The following RICTOR variants were observed in gnomAD, a reference collection of about 807,000 sequenced individuals.
The protein encoded by RICTOR is rapamycin-insensitive companion of mTOR.
In RICTOR, 49 loss-of-function variants were observed where a neutral mutation model predicts 214.9. The ratio of observed to expected loss-of-function variants is 0.23; its 90% CI spans 0.18 to 0.29. The LOEUF (loss-of-function observed/expected upper bound fraction) is 0.29. Ranked by LOEUF, RICTOR falls within the 10% of genes least tolerant of loss-of-function variation. The pLI is 1.00. For missense variants in RICTOR, 1,625 were observed against 2,047.0 expected, an observed-to-expected ratio of 0.79 and a Z score of 3.98; for synonymous variants, 717 against 711.3, an observed-to-expected ratio of 1.01 and a Z score of -0.13.
chr5:39,015,937 T>C (rs1160670311), intron 3 of RICTOR, among the ~76,000 whole-genome samples: 1 of 152,138 alleles, frequency 6.6e-6, no homozygotes, highest in Non-Finnish European at 1.5e-5. Flanking sequence ...ACAGTTGGGC[T>C]GCAAGTCTCC....
chr5:38,997,845 A>T (rs1290814353), intron 5 of RICTOR, among the ~76,000 whole-genome samples: 1 of 152,184 alleles, frequency 6.6e-6, no homozygotes, highest in Non-Finnish European at 1.5e-5. Context: ...GAAAAGACAG[A>T]GGTTTAACTT....
chr5:39,009,337 A>G (rs1019925840), intron 3 of RICTOR, among the ~76,000 whole-genome samples: 1 of 152,186 alleles, frequency 6.6e-6, no homozygotes, highest in African/African-American at 2.4e-5. Context: ...TTTTAGTGAA[A>G]AAGTTAAACA....
intron 2 of RICTOR, among the ~76,000 whole-genome samples, chr5:39,024,879 T>C (rs1043549714): frequency 1.3e-5 from 2 of 152,234 alleles, no homozygotes; most frequent in Non-Finnish European, 2.9e-5. Context: ...TATCTAAGTG[T>C]ATTCATTCAA....
chr5:38,943,352 T>C lies in RICTOR; in HGVS notation c.4914-381A>G, dbSNP rs1260054239. 4 of 163,960 alleles carry C rather than the reference T, an allele frequency of 2.4e-5. 1 individual carries two copies. Among genetic ancestry groups the C allele is most frequent in the Admixed American group, 2.4e-4 (4 of 16,572 alleles). The allele number at this position is 163,960 out of a possible 1,614,324, so 10.2% of individuals were successfully genotyped here. ...TAACATCCCTGACTGGGCTATTTCT[T>C]TGGATACTTCAAATAGCAGCTTTTA... On this transcript the variant is annotated intron_variant, in intron 36 of 37. Coordinates refer to ENST00000357387, the MANE Select transcript of RICTOR (RefSeq NM_152756.5).
chr5:39,051,040 TATACACAC>T (rs1314019079), intron 2 of RICTOR, among the ~76,000 whole-genome samples: 2 of 100,874 alleles, frequency 2.0e-5, no homozygotes, highest in African/African-American at 3.1e-5. Context: ...CATACATATA[TATACACAC>T]ACACACACAC....
intron 10 of RICTOR, among the ~76,000 whole-genome samples, chr5:38,973,717 T>C (rs1750974373): frequency 6.6e-6 from 1 of 152,162 alleles, no homozygotes; most frequent in African/African-American, 2.4e-5. Flanking sequence ...TTTCGCAAAT[T>C]TTGATGTCTG....
At chr5:39,074,228 G>A (rs1339955114) in intron 1 of RICTOR, 70 bp from the exon 2 acceptor site, 1 of 1,577,298 alleles carries the variant, frequency 6.3e-7, no homozygotes, top group East Asian at 2.4e-5. Context: ...CCTGGCTCCG[G>A]CCAGCGCCCC....
Position 38,940,287 on chromosome 5 carries a change from T to TGAAAAATATGTATG in RICTOR, c.*2016_*2017insCATACATATTTTTC. ...ACAAAAAAAAAATTACTGTTAACTT[T>TGAAAAATATGTATG]TGAGGGATTAAACCACAGATTTTTA... On this transcript the variant is annotated 3_prime_UTR_variant, in exon 38 of 38. Coordinates refer to ENST00000357387, the MANE Select transcript of RICTOR (RefSeq NM_152756.5). 1 of 232,032 alleles carries TGAAAAATATGTATG rather than the reference T, an allele frequency of 4.3e-6. No homozygotes were observed. The highest frequency in any genetic ancestry group is 8.5e-6 in the Non-Finnish European group (1 of 117,068). The allele number at this position is 232,032 out of a possible 1,614,324, so 14.4% of individuals were successfully genotyped here. A position where few individuals can be genotyped will look rare whatever the true frequency, so the allele number is the denominator to read the frequency against.
At chr5:38,948,906 T>C (rs1370814572) in intron 31 of RICTOR, among the ~76,000 whole-genome samples, 1 of 152,082 alleles carries the variant, frequency 6.6e-6, no homozygotes, top group Non-Finnish European at 1.5e-5. Context: ...TTACATTAAA[T>C]AACTACCAAT....
Position 38,944,507 on chromosome 5 carries a change from T to C in RICTOR, c.4852A>G (p.Arg1618Gly). Residue 1618 changes from arginine to glycine, a missense_variant, in exon 36 of 38, where the codon AGA becomes GGA. Arg to Gly is a moderately radical substitution (Grantham distance 125). Around this residue, in one of 5 missense-constraint regions of RICTOR, gnomAD observed 44 missense variants for 90.1 expected, o/e 0.49. Transcript: ENST00000357387. ...CRILLRKEVL[R>G]LVINLSSSVS... The stretch of plus-strand genomic sequence containing the variant: ...GAACTACTCAAATTAATGACTAATC[T>C]TAGAACTTCTTTGCGAAGGAGTATA... 2 of 1,612,376 alleles carry C rather than the reference T, an allele frequency of 1.2e-6. No homozygotes were observed. Among genetic ancestry groups the C allele is most frequent in the South Asian group, 1.1e-5 (1 of 90,868 alleles).
chr5:39,001,713 A>G lies in RICTOR; in HGVS notation c.392+822T>C, dbSNP rs542392580. Reference sequence around the variant, plus strand: ...ACAAGAAAGATAATCCAATTTACAAATGAGCAAAAGATAGGCTATCCAAAC... The same window carrying G: ...ACAAGAAAGATAATCCAATTTACAAGTGAGCAAAAGATAGGCTATCCAAAC... On this transcript the variant is annotated intron_variant, in intron 5 of 37. Coordinates refer to ENST00000357387, the MANE Select transcript of RICTOR (RefSeq NM_152756.5). Among the ~76,000 whole-genome samples the G allele has an allele frequency of 1.8e-3, 274 of 152,216 alleles. 1 individual carries two copies. Among genetic ancestry groups the G allele is most frequent in the African/African-American group, 6.4e-3 (265 of 41,560 alleles).
chr5:39,059,410 G>C (rs1049886650), intron 2 of RICTOR, among the ~76,000 whole-genome samples: 1 of 152,084 alleles, frequency 6.6e-6, no homozygotes, highest in African/African-American at 2.4e-5. Flanking sequence ...CCAGGGTATT[G>C]CAATATTATG....
intron 3 of RICTOR, among the ~76,000 whole-genome samples, chr5:39,013,444 T>C (rs1215400337): frequency 6.6e-6 from 1 of 152,262 alleles, no homozygotes; most frequent in South Asian, 2.1e-4. Flanking sequence ...TAAACAATTA[T>C]ATCCTGTCAA....
rs200399176 is a variant in RICTOR at position 38,967,295 on chromosome 5, C to T, written c.1151+42G>A. 4.6e-5 allele frequency: 74 copies of T among 1,596,368 alleles called. 1 individual carries two copies. The East Asian group carries it at 9.4e-4, about 20-fold the overall frequency. On this transcript the variant is annotated intron_variant, in intron 13 of 37. Transcript: ENST00000357387. Reference sequence around the variant, plus strand: ...GATTACACAGTCTAACATAAAAACCCGAATTCTAATAAATTGAAACCCTTT... The same window carrying T: ...GATTACACAGTCTAACATAAAAACCTGAATTCTAATAAATTGAAACCCTTT...
chr5:39,025,973 T>C (rs1755789151), intron 2 of RICTOR, among the ~76,000 whole-genome samples: 1 of 152,146 alleles, frequency 6.6e-6, no homozygotes, highest in African/African-American at 2.4e-5. Context: ...ATGATTTTTA[T>C]ATGGGGGATA....
At chr5:39,053,702 C>T (rs2150191850) in intron 2 of RICTOR, among the ~76,000 whole-genome samples, 1 of 151,898 alleles carries the variant, frequency 6.6e-6, no homozygotes, top group South Asian at 2.1e-4. Flanking sequence ...ACCATCCTGG[C>T]TAACACGGTG....
At chr5:38,965,973 T>C (rs1750180012) in intron 15 of RICTOR, among the ~76,000 whole-genome samples, 1 of 152,154 alleles carries the variant, frequency 6.6e-6, no homozygotes, top group African/African-American at 2.4e-5. Flanking sequence ...AATCTAAAAA[T>C]ATAAATTCCT....
At chr5:39,042,025 T>C (rs1757211126) in intron 2 of RICTOR, among the ~76,000 whole-genome samples, 1 of 152,012 alleles carries the variant, frequency 6.6e-6, no homozygotes, top group Non-Finnish European at 1.5e-5. Flanking sequence ...TTTTCAAGCC[T>C]GTGTTCTTAA....
At chr5:38,942,769 T>C in intron 37 of RICTOR, 64 bp downstream of exon 37, 1 of 1,326,840 alleles carries the variant, frequency 7.5e-7, no homozygotes, top group Non-Finnish European at 1.1e-6. Flanking sequence ...ATCTGTATTT[T>C]AATTCAATTC....
Sources: allele counts gnomAD v4.1 joint callset (sites outside exome capture counted in the v4.1 genomes callset), GRCh38; gene constraint gnomAD v4.1.1; regional missense constraint gnomAD v4.1.1; transcripts MANE v1.5; gene names NCBI Gene and HGNC (gene_info 2026-07-23, HGNC 2026-07-21).